QTMAN: variants seen among roughly 807,000 people sequenced by gnomAD.
QTMAN encodes the protein queuosine-tRNA mannosyltransferase, also known as tRNA-queuosine alpha-mannosyltransferase.
At chr2:144,177,159 T>C in the QTMAN span, 1 of 702,442 alleles carries the variant, frequency 1.4e-6, no homozygotes. Context: ...ATTATAATTC[T>C]GCATGAGATT....
the QTMAN span, among the ~76,000 whole-genome samples, chr2:144,303,095 G>A: frequency 2.0e-5 from 3 of 151,714 alleles, no homozygotes; most frequent in South Asian, 2.1e-4. Context: ...GAGACAGAGC[G>A]AAACTCATCT....
the QTMAN span, among the ~76,000 whole-genome samples, chr2:144,329,508 T>C: frequency 6.6e-6 from 1 of 152,232 alleles, no homozygotes; most frequent in Non-Finnish European, 1.5e-5. Context: ...TTGTAAAACG[T>C]GGCCTATGGT....
the QTMAN span, among the ~76,000 whole-genome samples, chr2:144,256,330 A>G: frequency 2.9e-4 from 44 of 152,298 alleles, no homozygotes; most frequent in South Asian, 8.7e-3. Context: ...TATGTCCCCA[A>G]TGCCAATAAA....
chr2:144,022,752 C>T, the QTMAN span, among the ~76,000 whole-genome samples: 15 of 151,782 alleles, frequency 9.9e-5, no homozygotes, highest in Non-Finnish European at 1.8e-4. Flanking sequence ...TTAGTAGAAA[C>T]GGGATTTCAC....
At chr2:144,203,150 AGTGT>A in the QTMAN span, among the ~76,000 whole-genome samples, 9,350 of 145,400 alleles carry the variant, frequency 0.064, 315 homozygotes, top group South Asian at 0.12. Flanking sequence ...TACAATGAAG[AGTGT>A]GTGTGTGTGT....
At chr2:144,299,337 C>CA in the QTMAN span, among the ~76,000 whole-genome samples, 63 of 152,260 alleles carry the variant, frequency 4.1e-4, no homozygotes, top group African/African-American at 1.5e-3. Context: ...TCAAATGTCA[C>CA]AAAACCAGCT....
chr2:144,069,066 T>C, the QTMAN span, among the ~76,000 whole-genome samples: 1 of 152,152 alleles, frequency 6.6e-6, no homozygotes, highest in Non-Finnish European at 1.5e-5. Flanking sequence ...ATATGGAAAG[T>C]ACGGCTAAAA....
At chr2:143,967,609 G>T in the QTMAN span, among the ~76,000 whole-genome samples, 1 of 152,188 alleles carries the variant, frequency 6.6e-6, no homozygotes, top group South Asian at 2.1e-4. Context: ...GGGATTACAG[G>T]TGTGAGCCAC....
chr2:144,225,158 G>C, the QTMAN span, among the ~76,000 whole-genome samples: 2 of 152,322 alleles, frequency 1.3e-5, no homozygotes, highest in East Asian at 3.9e-4. Flanking sequence ...GGTATAGGTA[G>C]AAGGAAGACT....
chr2:144,131,455 G>GT, the QTMAN span, among the ~76,000 whole-genome samples: 5 of 151,614 alleles, frequency 3.3e-5, no homozygotes. Flanking sequence ...TTTTTCACTT[G>GT]TTTCTCTGTT....
the QTMAN span, among the ~76,000 whole-genome samples, chr2:143,977,960 G>A: frequency 1.3e-5 from 2 of 151,904 alleles, no homozygotes; most frequent in East Asian, 1.9e-4. Flanking sequence ...TCCACAATTC[G>A]CCATTCATGT....
the QTMAN span, among the ~76,000 whole-genome samples, chr2:144,146,258 T>C: frequency 6.7e-6 from 1 of 149,046 alleles, no homozygotes; most frequent in East Asian, 2.0e-4. Flanking sequence ...TGGCATGTTT[T>C]CTTACCCTCC....
chr2:144,094,513 C>T, the QTMAN span, among the ~76,000 whole-genome samples: 9 of 152,122 alleles, frequency 5.9e-5, no homozygotes, highest in Admixed American at 1.3e-4. Context: ...AACTTATAAT[C>T]ATGGCAGAAG....
At chr2:144,225,558 A>G in the QTMAN span, among the ~76,000 whole-genome samples, 1 of 152,166 alleles carries the variant, frequency 6.6e-6, no homozygotes, top group Non-Finnish European at 1.5e-5. Flanking sequence ...CTATTACTCG[A>G]AATACTAAAA....
At chr2:144,203,150 AGTGTGTGTGTGTGTGTGTGTGTGT>A in the QTMAN span, among the ~76,000 whole-genome samples, 3 of 145,534 alleles carry the variant, frequency 2.1e-5, no homozygotes, top group East Asian at 6.2e-4. Context: ...TACAATGAAG[AGTGTGTGTGTGTGTGTGTGTGTGT>A]GTGTGTGTGT....
At chr2:144,209,885 C>A in the QTMAN span, among the ~76,000 whole-genome samples, 2 of 152,078 alleles carry the variant, frequency 1.3e-5, no homozygotes, top group Admixed American at 6.6e-5. Context: ...TGTTGTTCCA[C>A]AAAATTATTA....
At chr2:144,281,032 A>G in the QTMAN span, among the ~76,000 whole-genome samples, 4,560 of 149,384 alleles carry the variant, frequency 0.031, 249 homozygotes, top group African/African-American at 0.11. Context: ...AGCATTAGGT[A>G]TATCTCCTAA....
chr2:144,055,714 C>G, the QTMAN span, among the ~76,000 whole-genome samples: 3 of 152,132 alleles, frequency 2.0e-5, no homozygotes, highest in Non-Finnish European at 4.4e-5. Flanking sequence ...GGCAAGTACC[C>G]TATTTCCCTG....
chr2:144,084,345 T>A, the QTMAN span, among the ~76,000 whole-genome samples: 2 of 152,222 alleles, frequency 1.3e-5, no homozygotes, highest in African/African-American at 4.8e-5. Flanking sequence ...TCCCTTCTTA[T>A]AAAATTGGGA....
Sources: gnomAD v4.1 joint callset for allele counts (sites outside exome capture counted in the v4.1 genomes callset) on GRCh38, gnomAD v4.1.1 for gene constraint, MANE v1.5 for transcripts, NCBI Gene and HGNC (gene_info 2026-07-23, HGNC 2026-07-21) for gene names.